Variants in RBFOX1 observed in about 807,000 individuals in gnomAD.
The protein encoded by RBFOX1 is RNA binding protein fox-1 homolog 1.
RBFOX1 carries 8 observed loss-of-function variants against 57.7 expected under a neutral mutation model. The ratio of observed to expected loss-of-function variants is 0.14; its 90% CI spans 0.08 to 0.25. The LOEUF is 0.25. RBFOX1 is among the 10% of genes least tolerant of loss of function. The pLI is 1.00. For missense variants in RBFOX1, 611 were observed against 548.5 expected (o/e 1.11, Z -1.14); for synonymous variants, 326 against 222.4 (o/e 1.47, Z -4.15).
At chr16:6,322,885 C>G (rs979538545) in intron 2 of RBFOX1, among the ~76,000 whole-genome samples, 8 of 152,126 alleles carry the variant, frequency 5.3e-5, no homozygotes, top group Non-Finnish European at 1.2e-4. Flanking sequence ...TCTGGAAGGA[C>G]AAACTCATCT....
At chr16:6,674,172 A>G (rs185071239) in intron 3 of RBFOX1, among the ~76,000 whole-genome samples, 4 of 152,254 alleles carry the variant, frequency 2.6e-5, no homozygotes, top group African/African-American at 9.6e-5. Context: ...CAGAAAAGAT[A>G]TGTTGAAGTC....
intron 1 of RBFOX1, among the ~76,000 whole-genome samples, chr16:6,250,840 TGCATTGCTTG>T (rs2097604501): frequency 6.6e-6 from 1 of 152,188 alleles, no homozygotes; most frequent in South Asian, 2.1e-4. Flanking sequence ...GAACTGACCG[TGCATTGCTTG>T]GCCAAGTGAG....
chr16:5,966,277 G>C (rs929186083), intron 4 of RBFOX1, among the ~76,000 whole-genome samples: 4 of 152,168 alleles, frequency 2.6e-5, no homozygotes, highest in African/African-American at 9.7e-5. Flanking sequence ...ACTGGGTAAA[G>C]TAGAAGTGAA....
intron 1 of RBFOX1, among the ~76,000 whole-genome samples, chr16:6,126,037 T>C (rs2096587192): frequency 2.6e-5 from 4 of 152,208 alleles, no homozygotes; most frequent in Admixed American, 2.6e-4. Context: ...AACTTCATCC[T>C]TTTCCTATGA....
At chr16:6,012,056 C>G (rs2094964339) in intron 4 of RBFOX1, among the ~76,000 whole-genome samples, 1 of 152,218 alleles carries the variant, frequency 6.6e-6, no homozygotes, top group Non-Finnish European at 1.5e-5. Context: ...GTGCCAGGCA[C>G]AACGGTGAGA....
chr16:6,448,466 T>C (rs1036958448), intron 2 of RBFOX1, among the ~76,000 whole-genome samples: 2 of 152,190 alleles, frequency 1.3e-5, no homozygotes, highest in African/African-American at 2.4e-5. Flanking sequence ...CAGGCATTTT[T>C]CAACCACAGC....
At chr16:7,537,988 C>T (rs578015321) in intron 5 of RBFOX1, among the ~76,000 whole-genome samples, 3 of 152,304 alleles carry the variant, frequency 2.0e-5, no homozygotes, top group East Asian at 3.9e-4. Flanking sequence ...CTACTGTGTG[C>T]CAGGTTCTTA....
intron 1 of RBFOX1, among the ~76,000 whole-genome samples, chr16:6,217,865 A>G (rs978151404): frequency 1.3e-5 from 2 of 152,130 alleles, no homozygotes; most frequent in African/African-American, 2.4e-5. Flanking sequence ...AACTACAAAC[A>G]TTAGCCTGGT....
chr16:6,064,361 G>A (rs942533456), intron 1 of RBFOX1, among the ~76,000 whole-genome samples: 3 of 152,086 alleles, frequency 2.0e-5, no homozygotes, highest in African/African-American at 4.8e-5. Flanking sequence ...ATGTCTGCTT[G>A]TAGTTTTCTA....
intron 3 of RBFOX1, among the ~76,000 whole-genome samples, chr16:5,723,829 C>A (rs2052028971): frequency 6.6e-6 from 1 of 152,222 alleles, no homozygotes; most frequent in Non-Finnish European, 1.5e-5. Flanking sequence ...AGTCAGAAAT[C>A]TGTCTGTAGA....
chr16:7,584,870 A>C (rs1019190), intron 6 of RBFOX1, among the ~76,000 whole-genome samples: 1 of 152,050 alleles, frequency 6.6e-6, no homozygotes, highest in Non-Finnish European at 1.5e-5. Flanking sequence ...AGAACCGTCA[A>C]CCTAACAGCA....
intron 1 of RBFOX1, among the ~76,000 whole-genome samples, chr16:5,299,264 C>T (rs561090773): frequency 4.7e-4 from 72 of 151,766 alleles, no homozygotes; most frequent in African/African-American, 1.6e-3. Context: ...ATCAGTGGTT[C>T]GTTCTTTTTT....
intron 2 of RBFOX1, among the ~76,000 whole-genome samples, chr16:6,597,651 G>A (rs1274213764): frequency 6.6e-6 from 1 of 152,098 alleles, no homozygotes; most frequent in Admixed American, 6.6e-5. Flanking sequence ...TCCAGCTTGG[G>A]TTGAGAGCAA....
chr16:5,438,253 G>T (rs372484456), intron 1 of RBFOX1, among the ~76,000 whole-genome samples: 31 of 152,320 alleles, frequency 2.0e-4, no homozygotes, highest in African/African-American at 6.7e-4. Flanking sequence ...CTCCCATCCA[G>T]TCATCACCTA....
At chr16:5,786,596 A>T (rs906462760) in intron 3 of RBFOX1, among the ~76,000 whole-genome samples, 2 of 151,430 alleles carry the variant, frequency 1.3e-5, no homozygotes, top group African/African-American at 4.9e-5. Flanking sequence ...TTTTTCCAAG[A>T]CCTCTGCACC....
At chr16:7,656,996 C>A (rs1193000646) in intron 12 of RBFOX1, among the ~76,000 whole-genome samples, 1 of 152,158 alleles carries the variant, frequency 6.6e-6, no homozygotes, top group African/African-American at 2.4e-5. Flanking sequence ...TCTAAGATGT[C>A]ACCTAACAAA....
At chr16:5,501,102 G>C (rs1216280622) in intron 2 of RBFOX1, among the ~76,000 whole-genome samples, 1 of 152,048 alleles carries the variant, frequency 6.6e-6, no homozygotes, top group Non-Finnish European at 1.5e-5. Context: ...GGTCACCTGA[G>C]GTCAGGAGTT....
intron 3 of RBFOX1, among the ~76,000 whole-genome samples, chr16:6,786,711 A>T (rs1261552366): frequency 6.6e-6 from 1 of 152,152 alleles, no homozygotes. Flanking sequence ...CCCTAGCACT[A>T]CGGTGCTCCC....
intron 4 of RBFOX1, among the ~76,000 whole-genome samples, chr16:7,365,854 C>T (rs947190602): frequency 4.6e-5 from 7 of 152,138 alleles, no homozygotes; most frequent in South Asian, 2.1e-4. Flanking sequence ...TAGCTGGGAC[C>T]CAGGGAAAAT....
Sources: allele counts gnomAD v4.1 joint callset (sites outside exome capture counted in the v4.1 genomes callset), GRCh38; gene constraint gnomAD v4.1.1; transcripts MANE v1.5; gene names NCBI Gene and HGNC (gene_info 2026-07-23, HGNC 2026-07-21).